Variants in ATP8B4 observed in about 807,000 individuals in gnomAD.
ATP8B4 encodes the protein ATPase phospholipid transporting 8B4 (putative), also known as probable phospholipid-transporting ATPase IM.
A neutral mutation model predicts 145.6 loss-of-function variants in ATP8B4; 133 were observed. That is an observed-to-expected ratio of 0.91 (90% CI 0.79 to 1.05). ATP8B4 has a LOEUF of 1.05. Among genes scored for constraint, ATP8B4 ranks in the 50% least tolerant of loss-of-function variants. The probability of loss-of-function intolerance (pLI) is 0.00; values close to 1 mark genes in which losing one functional copy is unlikely to be tolerated. For missense variants in ATP8B4, 1,458 were observed against 1,425.2 expected, an observed-to-expected ratio of 1.02 and a Z score of -0.37; for synonymous variants, 507 against 492.9, an observed-to-expected ratio of 1.03 and a Z score of -0.38.
At chr15:50,017,098 A>G (rs1244196935) in intron 6 of ATP8B4, among the ~76,000 whole-genome samples, 2 of 152,206 alleles carry the variant, frequency 1.3e-5, no homozygotes, top group African/African-American at 4.8e-5. Context: ...TATAAAGTTA[A>G]TGCAGGCAAG....
At chr15:50,105,775 A>G (rs1354835954) in intron 2 of ATP8B4, among the ~76,000 whole-genome samples, 1 of 152,190 alleles carries the variant, frequency 6.6e-6, no homozygotes, top group Non-Finnish European at 1.5e-5. Flanking sequence ...ATACATATGA[A>G]TTACTGTTTA....
In ATP8B4 at chr15:49,859,906, T is replaced by G. The variant is rs1332955743; in HGVS notation, c.*288A>C. On this transcript the variant is annotated 3_prime_UTR_variant, in exon 28 of 28. Coordinates refer to ENST00000284509, the MANE Select transcript of ATP8B4 (RefSeq NM_024837.4). ...TTTCTCCATAAATAAGATTCTAAAG[T>G]TCAGGTCAATTGGTATCTAGGTTGA... 1 of 346,582 alleles carries G rather than the reference T, an allele frequency of 2.9e-6. No homozygotes were observed. The highest frequency in any genetic ancestry group is 2.1e-5 in the African/African-American group (1 of 47,202). 21.5% of individuals were successfully genotyped at this position (346,582 alleles called of 1,614,324 possible). A position where few individuals can be genotyped will look rare whatever the true frequency, so the allele number is the denominator to read the frequency against.
At chr15:49,973,061 C>A (rs2045319965) in intron 12 of ATP8B4, among the ~76,000 whole-genome samples, 1 of 152,250 alleles carries the variant, frequency 6.6e-6, no homozygotes, top group African/African-American at 2.4e-5. Context: ...ATTAAACAGG[C>A]CCGGTGGAGA....
chr15:50,117,684 T>C (rs1429176702), intron 1 of ATP8B4, among the ~76,000 whole-genome samples: 1 of 152,182 alleles, frequency 6.6e-6, no homozygotes, highest in Non-Finnish European at 1.5e-5. Flanking sequence ...AATAAGTACC[T>C]TGAAGAGATA....
intron 14 of ATP8B4, among the ~76,000 whole-genome samples, chr15:49,952,016 T>C (rs2043147783): frequency 6.6e-6 from 1 of 152,204 alleles, no homozygotes; most frequent in Non-Finnish European, 1.5e-5. Flanking sequence ...TGTTGAATAT[T>C]GACCCCCAAT....
At chr15:49,900,281 T>C (rs911646252) in intron 21 of ATP8B4, among the ~76,000 whole-genome samples, 10 of 152,202 alleles carry the variant, frequency 6.6e-5, no homozygotes, top group Non-Finnish European at 1.2e-4. Flanking sequence ...AGACAGCTGA[T>C]CGCAAGGGAG....
intron 2 of ATP8B4, among the ~76,000 whole-genome samples, chr15:50,081,920 A>T (rs942403666): frequency 2.0e-5 from 3 of 152,190 alleles, no homozygotes; most frequent in Non-Finnish European, 4.4e-5. Context: ...CGGGGTCCCT[A>T]TATAGAACTC....
At chr15:49,999,174 C>T (rs1366124262) in intron 8 of ATP8B4, among the ~76,000 whole-genome samples, 4 of 151,982 alleles carry the variant, frequency 2.6e-5, no homozygotes, top group Non-Finnish European at 5.9e-5. Flanking sequence ...GAAAATGTGG[C>T]ACATATACAC....
intron 13 of ATP8B4, among the ~76,000 whole-genome samples, chr15:49,965,434 C>T (rs1363594280): frequency 6.6e-6 from 1 of 152,172 alleles, no homozygotes; most frequent in Non-Finnish European, 1.5e-5. Context: ...CATGAAGGGA[C>T]ATTGGGAGAC....
chr15:49,941,290 T>C (rs2042145516), intron 14 of ATP8B4, among the ~76,000 whole-genome samples: 1 of 152,064 alleles, frequency 6.6e-6, no homozygotes, highest in Non-Finnish European at 1.5e-5. Context: ...CTTGGTTTGA[T>C]CCCAGAGACA....
chr15:49,882,414 C>T (rs1389876255), intron 23 of ATP8B4, among the ~76,000 whole-genome samples: 3 of 152,172 alleles, frequency 2.0e-5, no homozygotes, highest in South Asian at 2.1e-4. Flanking sequence ...TGTCTATCTT[C>T]GTGCAGTGGG....
chr15:49,931,650 C>T (rs2041268562), intron 15 of ATP8B4, among the ~76,000 whole-genome samples: 1 of 152,000 alleles, frequency 6.6e-6, no homozygotes, highest in Non-Finnish European at 1.5e-5. Flanking sequence ...TAAACTAAAA[C>T]ATTTTAATAT....
intron 1 of ATP8B4, among the ~76,000 whole-genome samples, chr15:50,117,661 C>G (rs1372408197): frequency 1.3e-5 from 2 of 152,088 alleles, no homozygotes; most frequent in Non-Finnish European, 2.9e-5. Flanking sequence ...GGGAATACAT[C>G]CAAAAGAAAG....
chr15:49,987,250 A>G, intron 10 of ATP8B4, 141 bp downstream of exon 10: 1 of 1,029,658 alleles, frequency 9.7e-7, no homozygotes, highest in Non-Finnish European at 1.3e-6. Flanking sequence ...CTGGCATCCT[A>G]CAATCTTAAG....
chr15:49,909,302 C>A (rs2038969735), intron 20 of ATP8B4, among the ~76,000 whole-genome samples: 2 of 152,198 alleles, frequency 1.3e-5, no homozygotes, highest in Admixed American at 1.3e-4. Context: ...ACAGCTAGCA[C>A]CCACCTGCAC....
intron 6 of ATP8B4, among the ~76,000 whole-genome samples, chr15:50,027,863 A>T (rs1362934370): frequency 6.6e-6 from 1 of 152,230 alleles, no homozygotes; most frequent in Admixed American, 6.5e-5. Flanking sequence ...CTATAATGAA[A>T]TGACTTTGAA....
At chr15:50,117,296 TG>T (rs760371365) in intron 1 of ATP8B4, among the ~76,000 whole-genome samples, 10 of 152,150 alleles carry the variant, frequency 6.6e-5, no homozygotes, top group Non-Finnish European at 1.5e-4. Context: ...GTAATCCACT[TG>T]CCTCAGCCTC....
At chr15:49,951,513 T>A (rs751984367) in intron 14 of ATP8B4, among the ~76,000 whole-genome samples, 4 of 152,196 alleles carry the variant, frequency 2.6e-5, no homozygotes, top group Non-Finnish European at 4.4e-5. Context: ...AGACTAGGAT[T>A]GCAAACCCTG....
chr15:50,110,095 T>C (rs2056866893), intron 1 of ATP8B4, among the ~76,000 whole-genome samples: 1 of 152,254 alleles, frequency 6.6e-6, no homozygotes, highest in South Asian at 2.1e-4. Flanking sequence ...TTAGCCATTT[T>C]TCATTTTGTA....
Sources: gnomAD v4.1 joint callset for allele counts (sites outside exome capture counted in the v4.1 genomes callset) on GRCh38, gnomAD v4.1.1 for gene constraint, MANE v1.5 for transcripts, NCBI Gene and HGNC (gene_info 2026-07-23, HGNC 2026-07-21) for gene names.